The following CACNA1A variants were observed in gnomAD, a reference collection of about 807,000 sequenced individuals.
The protein encoded by CACNA1A is calcium voltage-gated channel subunit alpha1 A, also known as voltage-dependent P/Q-type calcium channel subunit alpha-1A.
In CACNA1A, 57 loss-of-function variants were observed where a neutral mutation model predicts 262.4. That is an observed-to-expected ratio of 0.22 (90% CI 0.18 to 0.27). CACNA1A has a LOEUF of 0.27. Among genes scored for constraint, CACNA1A ranks in the 10% least tolerant of loss-of-function variants. The pLI, the probability that CACNA1A is intolerant of heterozygous loss-of-function variation, is 1.00. For synonymous variants in CACNA1A, 1,431 were observed against 1,419.3 expected (o/e 1.01, Z -0.18); for missense variants, 2,526 against 3,562.8 (o/e 0.71, Z 7.41).
intron 1 of CACNA1A, among the ~76,000 whole-genome samples, chr19:13,459,131 G>A (rs1327920198): frequency 6.6e-6 from 1 of 152,152 alleles, no homozygotes; most frequent in Non-Finnish European, 1.5e-5. Flanking sequence ...CCCGCATTCT[G>A]TAGAGAGATC....
intron 3 of CACNA1A, among the ~76,000 whole-genome samples, chr19:13,406,755 C>G (rs1330683125): frequency 1.3e-5 from 2 of 151,564 alleles, no homozygotes; most frequent in Non-Finnish European, 2.9e-5. Flanking sequence ...CATCACCCTT[C>G]AGCCAGAGTC....
chr19:13,334,201 G>A (rs904640631), intron 8 of CACNA1A, 177 bp downstream of exon 8: 7 of 566,438 alleles, frequency 1.2e-5, no homozygotes, highest in Non-Finnish European at 6.3e-6. Flanking sequence ...CTTCATCTTA[G>A]ACTTCTTCAT....
intron 36 of CACNA1A, among the ~76,000 whole-genome samples, chr19:13,227,870 T>A (rs923932549): frequency 2.0e-5 from 3 of 148,316 alleles, no homozygotes; most frequent in Non-Finnish European, 3.0e-5. Context: ...ATTCTCACTT[T>A]GGAAGACGTA....
intron 3 of CACNA1A, among the ~76,000 whole-genome samples, chr19:13,374,751 AAAC>A (rs1309942293): frequency 6.6e-6 from 1 of 152,214 alleles, no homozygotes. Context: ...TTCACTTCAC[AAAC>A]ATCAACTGAG....
chr19:13,386,955 G>A (rs148600953), intron 3 of CACNA1A, among the ~76,000 whole-genome samples: 517 of 151,998 alleles, frequency 3.4e-3, no homozygotes, highest in Non-Finnish European at 4.6e-3. Context: ...CTGGCCTCCA[G>A]ACTTCTTTTG....
intron 3 of CACNA1A, among the ~76,000 whole-genome samples, chr19:13,407,033 C>T: frequency 6.6e-6 from 1 of 152,066 alleles, no homozygotes; most frequent in East Asian, 1.9e-4. Context: ...CCTGTATAAA[C>T]CCTATGATGT....
intron 3 of CACNA1A, among the ~76,000 whole-genome samples, chr19:13,427,162 C>T (rs923773099): frequency 5.3e-5 from 8 of 151,784 alleles, no homozygotes; most frequent in African/African-American, 1.9e-4. Context: ...TAAAAGTGGT[C>T]CCCCCCAGGG....
At chr19:13,210,996 C>A in intron 43 of CACNA1A, 1 of 343,486 alleles carries the variant, frequency 2.9e-6, no homozygotes, top group South Asian at 4.1e-5. Context: ...ATGCGATGCA[C>A]ACCCCAACCC....
intron 3 of CACNA1A, among the ~76,000 whole-genome samples, chr19:13,376,564 T>C (rs1334969685): frequency 6.7e-6 from 1 of 148,892 alleles, no homozygotes; most frequent in Non-Finnish European, 1.5e-5. Flanking sequence ...ATATAACACA[T>C]AATATATGTT....
At chr19:13,264,472 G>A (rs926333619) in intron 24 of CACNA1A, among the ~76,000 whole-genome samples, 2 of 152,198 alleles carry the variant, frequency 1.3e-5, no homozygotes, top group Non-Finnish European at 2.9e-5. Context: ...TCTGGAGCAC[G>A]TGAATTCTCA....
chr19:13,433,182 A>C (rs564056662), intron 3 of CACNA1A, among the ~76,000 whole-genome samples: 1 of 150,914 alleles, frequency 6.6e-6, no homozygotes, highest in South Asian at 2.1e-4. Context: ...AATCCCAGCT[A>C]CTCGAGAGGC....
At chr19:13,283,557 G>A in intron 21 of CACNA1A, 161 bp from the exon 22 acceptor site, 1 of 877,966 alleles carries the variant, frequency 1.1e-6, no homozygotes, top group Non-Finnish European at 1.7e-6. Context: ...GCCCTCTCTG[G>A]GTCCTGGAAC....
In CACNA1A at chr19:13,350,012, A is replaced by G. The variant is rs13345935; in HGVS notation, c.978+9594T>C. Reference sequence around the variant, plus strand: ...TCCAGGTCAAGAACAGAGATGGGCTATGTTGATGGAGGTTTGTTTTGTAGC... The same window carrying G: ...TCCAGGTCAAGAACAGAGATGGGCTGTGTTGATGGAGGTTTGTTTTGTAGC... On this transcript the variant is annotated intron_variant, in intron 6 of 46. Coordinates refer to ENST00000360228, the MANE Select transcript of CACNA1A (RefSeq NM_001127222.2). Among the ~76,000 whole-genome samples the G allele has an allele frequency of 7.0e-3, 1,068 of 152,306 alleles. 9 individuals carry two copies. Among genetic ancestry groups the G allele is most frequent in the African/African-American group, 0.025 (1,026 of 41,572 alleles).
chr19:13,330,874 C>T (rs1200033957), intron 9 of CACNA1A, among the ~76,000 whole-genome samples: 3 of 152,172 alleles, frequency 2.0e-5, no homozygotes, highest in Non-Finnish European at 4.4e-5. Context: ...CAGGCGTGAG[C>T]CGCCCCACTC....
intron 10 of CACNA1A, among the ~76,000 whole-genome samples, chr19:13,318,806 G>A (rs529320231): frequency 6.6e-6 from 1 of 151,954 alleles, no homozygotes; most frequent in Non-Finnish European, 1.5e-5. Flanking sequence ...AAGGGATGGA[G>A]CTCTCATCCA....
intron 3 of CACNA1A, among the ~76,000 whole-genome samples, chr19:13,438,017 G>A (rs2060644718): frequency 6.6e-6 from 1 of 152,192 alleles, no homozygotes; most frequent in South Asian, 2.1e-4. Context: ...GATAAAAGCT[G>A]GAAGCATCTG....
intron 1 of CACNA1A, among the ~76,000 whole-genome samples, chr19:13,464,013 T>G (rs2061173366): frequency 6.6e-6 from 1 of 152,204 alleles, no homozygotes; most frequent in Non-Finnish European, 1.5e-5. Context: ...CACAATAATC[T>G]ATTACAGGGC....
In CACNA1A at chr19:13,212,173, C is replaced by T. The variant is rs1487856310; in HGVS notation, c.6233G>A (p.Ser2078Asn). ...GCCTTCCATGGGGAGGTAGTGCTCG[C>T]TGTCGGAGTAGCCATCTCTGCCCAT... is the stretch of plus-strand genomic sequence containing the variant. ...REMGRDGYSDSEHYLPMEGQG... is the reference protein window; with the variant it reads ...REMGRDGYSDNEHYLPMEGQG... Residue 2078 changes from serine (S) to asparagine (N), a missense_variant, in exon 43 of 47, where the codon AGC becomes AAC. Around this residue, in one of 17 missense-constraint regions of CACNA1A, gnomAD observed 929 missense variants for 868.1 expected, o/e 1.07. Transcript: ENST00000360228. This position sits in a 1 kb window ranked among gnomAD's most constrained non-coding sequence, Gnocchi z 5.6. The T allele has an allele frequency of 6.2e-7, 1 of 1,613,806 alleles. No individual in the cohort carries two copies. Among genetic ancestry groups the T allele is most frequent in the African/African-American group, 1.3e-5 (1 of 74,938 alleles).
intron 3 of CACNA1A, among the ~76,000 whole-genome samples, chr19:13,375,607 G>C (rs1160856016): frequency 6.6e-6 from 1 of 152,050 alleles, no homozygotes; most frequent in Non-Finnish European, 1.5e-5. Context: ...GGGCAAAATA[G>C]GGAGACCCTA....
Sources: gnomAD v4.1 joint callset for allele counts (sites outside exome capture counted in the v4.1 genomes callset) on GRCh38, gnomAD v4.1.1 for gene constraint, gnomAD v4.1.1 regional missense constraint, Gnocchi (gnomAD v3.1) non-coding constraint, MANE v1.5 for transcripts, NCBI Gene and HGNC (gene_info 2026-07-23, HGNC 2026-07-21) for gene names.